Variants in DDR2 observed in about 807,000 individuals in gnomAD.
DDR2 encodes discoidin domain-containing receptor 2.
A neutral mutation model predicts 94.9 loss-of-function variants in DDR2; 27 were observed. That is an observed-to-expected ratio of 0.28 (90% CI 0.21 to 0.39). DDR2 has a LOEUF of 0.39. Among genes scored for constraint, DDR2 ranks in the 10% least tolerant of loss-of-function variants. The probability of loss-of-function intolerance (pLI) is 1.00; values close to 1 mark genes in which losing one functional copy is unlikely to be tolerated. For missense variants in DDR2, 783 were observed against 1,076.0 expected (o/e 0.73, Z 3.81); for synonymous variants, 382 against 377.2 (o/e 1.01, Z -0.15).
rs938888132 is a variant in DDR2, at chr1:162,781,610, A to T, written c.*1364A>T. On this transcript the variant is annotated 3_prime_UTR_variant, in exon 18 of 18. Coordinates refer to ENST00000367921, the MANE Select transcript of DDR2 (RefSeq NM_006182.4). ...GATTCTGGAGAGGCACAGGATGAAC[A>T]TCTGTTGCTACTGCTGAGTATACAC... 12 of 152,194 alleles carry T rather than the reference A, an allele frequency of 7.9e-5. No homozygotes were observed. The highest frequency in any genetic ancestry group is 2.9e-4 in the African/African-American group (12 of 41,428). The allele number at this position is 152,194 out of a possible 1,614,324, so 9.4% of individuals were successfully genotyped here. A position where few individuals can be genotyped will look rare whatever the true frequency, so the allele number is the denominator to read the frequency against.
At chr1:162,763,416 C>T (rs1197256237) in intron 9 of DDR2, among the ~76,000 whole-genome samples, 1 of 140,642 alleles carries the variant, frequency 7.1e-6, no homozygotes, top group East Asian at 2.1e-4. Context: ...CCAGGCTGGT[C>T]TCGAACTCCC....
Position 162,770,480 on chromosome 1 carries a change from T to G in DDR2, c.1472T>G (p.Leu491Arg). The change falls in exon 12 of 18, where the codon CTC becomes CGC. Residue 491 changes from leucine (L) to arginine (R), a missense_variant. Around this residue, in one of 2 missense-constraint regions of DDR2, gnomAD observed 519 missense variants for 647.9 expected, o/e 0.80. Transcript: ENST00000367921. ...GAGCCATCCAGGCTGATACGAAAACTCCCAGAATTTGCTCCAGGGGAGGAG... is the reference window on the plus strand; with the variant it reads ...GAGCCATCCAGGCTGATACGAAAACGCCCAGAATTTGCTCCAGGGGAGGAG... ...YQEPSRLIRK[L>R]PEFAPGEEES... 2 of 1,614,054 alleles carry G rather than the reference T, an allele frequency of 1.2e-6. No individual in the cohort carries two copies. The highest frequency in any genetic ancestry group is 1.7e-6 in the Non-Finnish European group (2 of 1,180,032).
intron 1 of DDR2, among the ~76,000 whole-genome samples, chr1:162,643,014 G>A (rs2101891599): frequency 6.6e-6 from 1 of 152,186 alleles, no homozygotes; most frequent in South Asian, 2.1e-4. Context: ...TTCCTTCAAG[G>A]GCGGCTGAAA....
intron 8 of DDR2, 66 bp from the exon 9 acceptor site, chr1:162,761,145 T>C (rs958170546): frequency 6.2e-7 from 1 of 1,610,436 alleles, no homozygotes; most frequent in East Asian, 2.2e-5. Context: ...CTGAGTTGGC[T>C]GGCACTGTGT....
chr1:162,713,550 T>C (rs1661023314), intron 2 of DDR2, among the ~76,000 whole-genome samples: 1 of 152,186 alleles, frequency 6.6e-6, no homozygotes, highest in African/African-American at 2.4e-5. Flanking sequence ...ATCTTATATA[T>C]ATATAAATGT....
chr1:162,664,113 G>T (rs1185177250), intron 2 of DDR2, among the ~76,000 whole-genome samples: 1 of 152,128 alleles, frequency 6.6e-6, no homozygotes, highest in Non-Finnish European at 1.5e-5. Flanking sequence ...GAAGGGCTGA[G>T]TAGACATTCA....
rs887263964 is a variant in DDR2, at chr1:162,781,607, A to G, written c.*1361A>G. The G allele has an allele frequency of 6.6e-6, 1 of 152,192 alleles. No individual in the cohort carries two copies. Among genetic ancestry groups the G allele is most frequent in the Non-Finnish European group, 1.5e-5 (1 of 68,052 alleles). 9.4% of individuals were successfully genotyped at this position (152,192 alleles called of 1,614,324 possible). Reference sequence around the variant, plus strand: ...CTTGATTCTGGAGAGGCACAGGATGAACATCTGTTGCTACTGCTGAGTATA... The same window carrying G: ...CTTGATTCTGGAGAGGCACAGGATGGACATCTGTTGCTACTGCTGAGTATA... On this transcript the variant is annotated 3_prime_UTR_variant, in exon 18 of 18. Transcript: ENST00000367921.
intron 3 of DDR2, among the ~76,000 whole-genome samples, chr1:162,722,227 T>C (rs1661457521): frequency 6.6e-6 from 1 of 152,178 alleles, no homozygotes; most frequent in African/African-American, 2.4e-5. Flanking sequence ...TTCTAAAGTA[T>C]CTGAGTTTTG....
chr1:162,727,015 C>A (rs1661704469), intron 3 of DDR2, among the ~76,000 whole-genome samples: 1 of 145,704 alleles, frequency 6.9e-6, no homozygotes. Context: ...GGATATGAAA[C>A]AAATATAATA....
chr1:162,744,626 C>T (rs1662763235), intron 3 of DDR2, among the ~76,000 whole-genome samples: 2 of 152,168 alleles, frequency 1.3e-5, no homozygotes, highest in African/African-American at 4.8e-5. Flanking sequence ...ATCAAACCAT[C>T]ATCTACATTA....
chr1:162,649,947 G>A (rs995714892), intron 1 of DDR2, among the ~76,000 whole-genome samples: 3 of 152,302 alleles, frequency 2.0e-5, no homozygotes, highest in Middle Eastern at 6.8e-3. Context: ...AAATAAGGAA[G>A]TTGGGTTAGG....
chr1:162,782,451 C>T lies in DDR2; in HGVS notation c.*2205C>T, dbSNP rs758699118. On this transcript the variant is annotated 3_prime_UTR_variant, in exon 18 of 18. Transcript: ENST00000367921. Reference sequence around the variant, plus strand: ...TGTGCCTTAGGTTTACCAGGTGTTTCCAAATACATTAGCATATTTGATATG... The same window carrying T: ...TGTGCCTTAGGTTTACCAGGTGTTTTCAAATACATTAGCATATTTGATATG... 6.6e-6 allele frequency: 1 copy of T among 152,052 alleles called. No homozygotes were observed. The highest frequency in any genetic ancestry group is 2.1e-4 in the South Asian group (1 of 4,826). 9.4% of individuals were successfully genotyped at this position (152,052 alleles called of 1,614,324 possible).
rs774724797 is a variant in DDR2 at position 162,754,855 on chromosome 1, G to A, written c.417G>A (p.Gln139=). 4 of 1,613,840 alleles carry A rather than the reference G, an allele frequency of 2.5e-6. No homozygotes were observed. Among genetic ancestry groups the A allele is most frequent in the East Asian group, 2.2e-5 (1 of 44,870 alleles). The part of the protein sequence containing the change: ...WISWRNRHGK[Q]VLDGNSNPYD... ...CTTGGCGGAACCGTCATGGGAAACA[G>A]GTAGGAAGAAGAGACATCCAGATCC... is the stretch of plus-strand genomic sequence containing the variant. The change falls in exon 5 of 18, where the codon CAG becomes CAA. Residue 139 remains glutamine, a splice_region_variant and synonymous_variant. Coordinates refer to ENST00000367921, the MANE Select transcript of DDR2 (RefSeq NM_006182.4).
chr1:162,657,157 A>G (rs1658031279), intron 2 of DDR2, among the ~76,000 whole-genome samples: 1 of 151,906 alleles, frequency 6.6e-6, no homozygotes, highest in Admixed American at 6.6e-5. Context: ...TTAAACAATG[A>G]TTTCCATAAA....
chr1:162,730,939 G>A (rs980000858), intron 3 of DDR2, among the ~76,000 whole-genome samples: 3 of 152,088 alleles, frequency 2.0e-5, no homozygotes, highest in Admixed American at 6.6e-5. Flanking sequence ...TGCCAAACCC[G>A]GAGTCGGCCT....
intron 3 of DDR2, among the ~76,000 whole-genome samples, chr1:162,722,981 G>A (rs1295154453): frequency 6.6e-6 from 1 of 152,184 alleles, no homozygotes; most frequent in East Asian, 1.9e-4. Context: ...TGTGAAGTCT[G>A]AATTTCAGGA....
At chr1:162,713,736 A>T (rs1001993138) in intron 2 of DDR2, among the ~76,000 whole-genome samples, 1 of 55,216 alleles carries the variant, frequency 1.8e-5, no homozygotes, top group Admixed American at 1.4e-4. Flanking sequence ...ATAGTTAATA[A>T]CATTATCCTA....
intron 3 of DDR2, chr1:162,741,494 C>T: frequency 1.4e-6 from 1 of 720,292 alleles, no homozygotes; most frequent in Non-Finnish European, 1.7e-6. Context: ...GTGTACTCTG[C>T]CAACTACATA....
intron 3 of DDR2, among the ~76,000 whole-genome samples, chr1:162,742,038 A>G (rs1000470303): frequency 2.0e-5 from 3 of 152,146 alleles, no homozygotes; most frequent in African/African-American, 4.8e-5. Flanking sequence ...CTTCCCTTCA[A>G]TTTCACTTCT....
Sources: gnomAD v4.1 joint callset for allele counts (sites outside exome capture counted in the v4.1 genomes callset) on GRCh38, gnomAD v4.1.1 for gene constraint, gnomAD v4.1.1 regional missense constraint, MANE v1.5 for transcripts, NCBI Gene and HGNC (gene_info 2026-07-23, HGNC 2026-07-21) for gene names.